The following PCDHGB1 variants were observed in gnomAD, a reference collection of about 807,000 sequenced individuals.
The protein encoded by PCDHGB1 is protocadherin gamma subfamily B, 1.
PCDHGB1 carries 34 observed loss-of-function variants against 56.6 expected under a neutral mutation model. The ratio of observed to expected loss-of-function variants is 0.60; its 90% confidence interval spans 0.46 to 0.80. The LOEUF (loss-of-function observed/expected upper bound fraction) is 0.80. PCDHGB1 is among the 30% of genes least tolerant of loss of function. The pLI is 0.00. For missense variants in PCDHGB1, 1,278 were observed against 1,204.6 expected (o/e 1.06, Z -0.90); for synonymous variants, 561 against 505.9 (o/e 1.11, Z -1.46).
chr5:141,352,332 C>A lies in PCDHGB1; in HGVS notation c.2072C>A (p.Ala691Asp). Reference sequence around the variant, plus strand: ...GAACTGCAGTTTTACCTGGTTGTGGCCTTGGCCTTGATCTCAGTGCTCTTT... The same window carrying A: ...GAACTGCAGTTTTACCTGGTTGTGGACTTGGCCTTGATCTCAGTGCTCTTT... ...QTELQFYLVV[A>D]LALISVLFLL... The change falls in exon 1 of 4, where the codon GCC (alanine) becomes GAC (aspartate). Residue 691 changes from alanine to aspartate, a missense_variant. Physicochemically the swap from Ala to Asp is moderately radical, Grantham distance 126. Coordinates refer to ENST00000523390, the MANE Select transcript of PCDHGB1 (RefSeq NM_018922.3). 3 of 1,614,078 alleles carry A rather than the reference C, an allele frequency of 1.9e-6. No individual in the cohort carries two copies. Among genetic ancestry groups the A allele is most frequent in the South Asian group, 1.1e-5 (1 of 91,084 alleles).
intron 1 of PCDHGB1, among the ~76,000 whole-genome samples, chr5:141,458,248 G>A (rs173682): frequency 3.3e-5 from 5 of 152,112 alleles, no homozygotes; most frequent in African/African-American, 9.7e-5. Flanking sequence ...AAAATGATAC[G>A]GCTCTGATGA....
chr5:141,356,605 G>T (rs1760271301), intron 1 of PCDHGB1: 4 of 1,614,008 alleles, frequency 2.5e-6, no homozygotes, highest in African/African-American at 1.3e-5. Context: ...CCCCAGAGGA[G>T]CCTCCATCTT....
At chr5:141,495,071 C>A (rs1391869079) in intron 2 of PCDHGB1, among the ~76,000 whole-genome samples, 1 of 152,160 alleles carries the variant, frequency 6.6e-6, no homozygotes, top group Non-Finnish European at 1.5e-5. Flanking sequence ...AAGCTCAATT[C>A]ACATGCTTGC....
At chr5:141,420,222 TG>T in intron 1 of PCDHGB1, 1 of 1,604,490 alleles carries the variant, frequency 6.2e-7, no homozygotes, top group East Asian at 2.2e-5. Flanking sequence ...AGCATGCTAC[TG>T]GCTAGCATTT....
At chr5:141,447,197 T>C (rs1249080495) in intron 1 of PCDHGB1, among the ~76,000 whole-genome samples, 7 of 152,188 alleles carry the variant, frequency 4.6e-5, no homozygotes, top group Admixed American at 4.6e-4. Context: ...TGGAGTGCAA[T>C]GGCTTGATCT....
At chr5:141,466,684 G>A (rs1337230884) in intron 1 of PCDHGB1, among the ~76,000 whole-genome samples, 1 of 152,034 alleles carries the variant, frequency 6.6e-6, no homozygotes, top group Non-Finnish European at 1.5e-5. Flanking sequence ...TTCCACTCAA[G>A]CTTCATCATA....
At chr5:141,499,272 GT>G (rs772636179) in intron 2 of PCDHGB1, among the ~76,000 whole-genome samples, 3 of 152,122 alleles carry the variant, frequency 2.0e-5, no homozygotes, top group Non-Finnish European at 4.4e-5. Flanking sequence ...TCCCTAGACT[GT>G]TCTCTGATGG....
Position 141,351,947 on chromosome 5 carries a change from C to T in PCDHGB1, c.1687C>T (p.Leu563=). 4 of 1,613,112 alleles carry T rather than the reference C, an allele frequency of 2.5e-6. No individual in the cohort carries two copies. Among genetic ancestry groups the T allele is most frequent in the Non-Finnish European group, 3.4e-6 (4 of 1,179,736 alleles). ...TGCGCCACGGGTGCTGTACCCCGCG[C>T]TGGGGCCTGATGGCTCCGCCCTCTT... ...DNAPRVLYPA[L]GPDGSALFDM... is the part of the protein sequence containing the mutation. The change falls in exon 1 of 4, where the codon CTG becomes TTG. Residue 563 remains leucine, a synonymous_variant. Transcript: ENST00000523390.
At chr5:141,375,485 G>C (rs1478417043) in intron 1 of PCDHGB1, 1 of 1,613,678 alleles carries the variant, frequency 6.2e-7, no homozygotes, top group African/African-American at 1.3e-5. Flanking sequence ...CAACCCCAGG[G>C]GTGCCTCCAT....
At chr5:141,492,553 G>A (rs1184580300) in intron 1 of PCDHGB1, among the ~76,000 whole-genome samples, 1 of 152,148 alleles carries the variant, frequency 6.6e-6, no homozygotes, top group Non-Finnish European at 1.5e-5. Flanking sequence ...CGGGTCGCCT[G>A]GGGGGCGGCC....
intron 1 of PCDHGB1, chr5:141,357,463 C>G: frequency 6.2e-7 from 1 of 1,614,216 alleles, no homozygotes; most frequent in East Asian, 2.2e-5. Context: ...GACCTATTCC[C>G]ACGAGGTCTC....
intron 1 of PCDHGB1, among the ~76,000 whole-genome samples, chr5:141,464,913 A>T (rs1035542028): frequency 1.3e-4 from 19 of 151,426 alleles, no homozygotes; most frequent in Admixed American, 1.2e-3. Context: ...TAATTTTTTT[A>T]TTTTTTTGTA....
rs200064261 is a variant in PCDHGB1, at chr5:141,487,515, G to A, written c.2410-7292G>A. 3.7e-5 allele frequency: 59 copies of A among 1,614,018 alleles called. No homozygotes were observed. The highest frequency in any genetic ancestry group is 8.8e-5 in the South Asian group (8 of 91,086). On this transcript the variant is annotated intron_variant, in intron 1 of 3. Coordinates refer to ENST00000523390, the MANE Select transcript of PCDHGB1 (RefSeq NM_018922.3). The surrounding 1 kb of genome is among the most constrained non-coding windows in gnomAD (Gnocchi z 5.0). Reference sequence around the variant, plus strand: ...ACACCCTTGGCTTCTGCACCCACTCGGAGTGATAGCTTCATGATGGTGAAG... The same window carrying A: ...ACACCCTTGGCTTCTGCACCCACTCAGAGTGATAGCTTCATGATGGTGAAG...
At chr5:141,355,917 T>C (rs538796381) in intron 1 of PCDHGB1, 1 of 1,613,796 alleles carries the variant, frequency 6.2e-7, no homozygotes, top group East Asian at 2.2e-5. Context: ...ACGATAATGC[T>C]CCCGTGTTCA....
At chr5:141,433,207 TC>T (rs780557883) in intron 1 of PCDHGB1, 10 of 1,568,868 alleles carry the variant, frequency 6.4e-6, no homozygotes, top group African/African-American at 1.4e-5. Flanking sequence ...AAATCTTCTT[TC>T]TTTTTTTTTT....
chr5:141,508,961 A>G (rs991011427), intron 3 of PCDHGB1, among the ~76,000 whole-genome samples: 2 of 151,978 alleles, frequency 1.3e-5, no homozygotes, highest in Non-Finnish European at 2.9e-5. Flanking sequence ...TGTCAGCGGA[A>G]TGAAAGGGCT....
chr5:141,511,233 TACCTGC>T lies in PCDHGB1; in HGVS notation c.*64_*69del. 4 of 1,595,428 alleles carry T rather than the reference TACCTGC, an allele frequency of 2.5e-6. No individual in the cohort carries two copies. The highest frequency in any genetic ancestry group is 3.4e-6 in the Non-Finnish European group (4 of 1,170,894). ...CTCCCCAACCAGCCCAGCTTCTCCT[TACCTGC>T]ACCCAGGCCTCAGAGTTTCAGGGCT... On this transcript the variant is annotated 3_prime_UTR_variant, in exon 4 of 4. Transcript: ENST00000523390.
intron 2 of PCDHGB1, among the ~76,000 whole-genome samples, chr5:141,498,949 AAGAG>A (rs1417276243): frequency 1.3e-4 from 18 of 133,552 alleles, no homozygotes; most frequent in African/African-American, 1.9e-4. Context: ...AAGAAAGAAA[AAGAG>A]AGAGAGGGAG....
chr5:141,413,470 C>T (rs748662580), intron 1 of PCDHGB1: 17 of 1,614,110 alleles, frequency 1.1e-5, no homozygotes, highest in Non-Finnish European at 1.4e-5. Flanking sequence ...CCGGGAGGAG[C>T]TCTGCGCTCA....
Sources: gnomAD v4.1 joint callset for allele counts (sites outside exome capture counted in the v4.1 genomes callset) on GRCh38, gnomAD v4.1.1 for gene constraint, Gnocchi (gnomAD v3.1) non-coding constraint, MANE v1.5 for transcripts, NCBI Gene and HGNC (gene_info 2026-07-23, HGNC 2026-07-21) for gene names.